The following CTIF variants were observed in gnomAD, a reference collection of about 807,000 sequenced individuals.
The protein encoded by CTIF is CBP80/20-dependent translation initiation factor.
CTIF carries 21 observed loss-of-function variants against 66.0 expected under a neutral mutation model. The observed-to-expected ratio is 0.32, with a 90% CI of 0.23 to 0.46. The LOEUF is 0.46. Among genes scored for constraint, CTIF ranks in the 20% least tolerant of loss-of-function variants. CTIF has a pLI of 1.00. For missense variants in CTIF, 739 were observed against 812.7 expected, an observed-to-expected ratio of 0.91 and a Z score of 1.10; for synonymous variants, 345 against 326.4, an observed-to-expected ratio of 1.06 and a Z score of -0.62.
At chr18:48,849,236 C>A (rs547681773) in intron 10 of CTIF, among the ~76,000 whole-genome samples, 1 of 127,600 alleles carries the variant, frequency 7.8e-6, no homozygotes, top group Non-Finnish European at 1.6e-5. Context: ...CTTACTCTGT[C>A]GGTCAGGCAG....
At chr18:48,656,073 C>T (rs1400907232) in intron 3 of CTIF, among the ~76,000 whole-genome samples, 1 of 152,226 alleles carries the variant, frequency 6.6e-6, no homozygotes, top group African/African-American at 2.4e-5. Flanking sequence ...ATCGCATACC[C>T]ACTCACATTC....
chr18:48,586,249 C>T lies in CTIF; in HGVS notation c.-28-33289C>T, dbSNP rs545036565. On this transcript the variant is annotated intron_variant, in intron 1 of 11. Coordinates refer to ENST00000256413, the MANE Select transcript of CTIF (RefSeq NM_014772.3). ...AGAGCACTTGTTTCCCCAACAATGG[C>T]GATCAGCATTCCTTTCCACACTTTT... 1.2e-3 allele frequency among the ~76,000 whole-genome samples: 175 copies of T among 151,522 alleles called. 3 individuals are homozygous for T. The highest frequency in any genetic ancestry group is 4.1e-3 in the African/African-American group (170 of 41,284).
intron 10 of CTIF, among the ~76,000 whole-genome samples, chr18:48,823,171 A>G (rs1408473722): frequency 1.3e-5 from 2 of 151,928 alleles, no homozygotes; most frequent in Non-Finnish European, 2.9e-5. Flanking sequence ...GTTTGATGCA[A>G]TCCTACTTGT....
At chr18:48,606,046 A>G (rs1303076193) in intron 1 of CTIF, among the ~76,000 whole-genome samples, 1 of 152,158 alleles carries the variant, frequency 6.6e-6, no homozygotes, top group East Asian at 1.9e-4. Flanking sequence ...TGGCTTGGCA[A>G]TCTGTTGTGG....
Position 48,757,966 on chromosome 18 carries a change from A to G in CTIF, c.632A>G (p.Asp211Gly). 6.2e-7 allele frequency: 1 copy of G among 1,613,810 alleles called. No homozygotes were observed. The highest frequency in any genetic ancestry group is 2.2e-5 in the East Asian group (1 of 44,876). Reference protein sequence around the residue: ...PGGNKPQQHGDHQPGSAKHNR... With the variant: ...PGGNKPQQHGGHQPGSAKHNR... Reference sequence around the variant, plus strand: ...GGCAACAAGCCCCAACAGCATGGTGACCACCAGCCAGGCAGTGCCAAACAC... The same window carrying G: ...GGCAACAAGCCCCAACAGCATGGTGGCCACCAGCCAGGCAGTGCCAAACAC... Residue 211 changes from aspartate (D) to glycine (G), a missense_variant, in exon 8 of 12, where the codon GAC (aspartate) becomes GGC (glycine). Coordinates refer to ENST00000256413, the MANE Select transcript of CTIF (RefSeq NM_014772.3).
Position 48,862,098 on chromosome 18 carries a change from C to A in CTIF, c.*2539C>A, listed in dbSNP as rs140433571. The A allele has an allele frequency of 6.6e-6, 1 of 151,912 alleles. No homozygotes were observed. The highest frequency in any genetic ancestry group is 1.9e-4 in the East Asian group (1 of 5,188). The allele number at this position is 151,912 out of a possible 1,614,324, so 9.4% of individuals were successfully genotyped here. ...CAGTCAAGCCTAAAATTTGAGACCC[C>A]GAGGCAGCTTCCCGAGGGAGACTGC... is the stretch of plus-strand genomic sequence containing the variant. On this transcript the variant is annotated 3_prime_UTR_variant, in exon 12 of 12. Coordinates refer to ENST00000256413, the MANE Select transcript of CTIF (RefSeq NM_014772.3).
In CTIF at chr18:48,839,487, A is replaced by G. The variant is rs373570054; in HGVS notation, c.1528-18101A>G. ...CTCACTGTGTGCCAGATACTATCCTAAACACCCCACATCCTCTTCTTTAAT... is the reference window on the plus strand; with the variant it reads ...CTCACTGTGTGCCAGATACTATCCTGAACACCCCACATCCTCTTCTTTAAT... On this transcript the variant is annotated intron_variant, in intron 10 of 11. Transcript: ENST00000256413. 5.3e-5 allele frequency among the ~76,000 whole-genome samples: 8 copies of G among 152,166 alleles called. No individual in the cohort carries two copies. In the East Asian group the frequency reaches 7.7e-4, roughly 15 times the overall value.
intron 7 of CTIF, among the ~76,000 whole-genome samples, chr18:48,727,950 A>ATT (rs999924126): frequency 6.6e-6 from 1 of 151,698 alleles, no homozygotes; most frequent in African/African-American, 2.4e-5. Flanking sequence ...CAAGTCCTGG[A>ATT]TTTTTTTTTA....
chr18:48,706,916 T>C (rs1489408914), intron 6 of CTIF, among the ~76,000 whole-genome samples: 1 of 152,208 alleles, frequency 6.6e-6, no homozygotes, highest in Non-Finnish European at 1.5e-5. Context: ...AGTGGTCAGA[T>C]GTTAGACAGA....
chr18:48,658,481 G>A (rs1032628077), intron 3 of CTIF, among the ~76,000 whole-genome samples: 1 of 151,948 alleles, frequency 6.6e-6, no homozygotes, highest in Non-Finnish European at 1.5e-5. Flanking sequence ...TTGTATAAGT[G>A]TGGTATATAT....
At chr18:48,762,972 G>A (rs970443199) in intron 9 of CTIF, among the ~76,000 whole-genome samples, 1 of 152,216 alleles carries the variant, frequency 6.6e-6, no homozygotes, top group Non-Finnish European at 1.5e-5. Context: ...CCTGCTCCAG[G>A]CCCTGATCAG....
chr18:48,768,020 C>T (rs1249135328), intron 9 of CTIF, among the ~76,000 whole-genome samples: 1 of 152,122 alleles, frequency 6.6e-6, no homozygotes, highest in Non-Finnish European at 1.5e-5. Context: ...GTTGCCCCCA[C>T]TTCTACCCGT....
At chr18:48,636,730 T>C (rs1319491396) in intron 3 of CTIF, 45 bp downstream of exon 3, 6 of 1,464,070 alleles carry the variant, frequency 4.1e-6, no homozygotes, top group Non-Finnish European at 5.5e-6. Flanking sequence ...TCCTATGTCT[T>C]GTCTGCCTGG....
intron 7 of CTIF, among the ~76,000 whole-genome samples, chr18:48,730,711 C>CTGTGGTGTGAGGGG (rs1568172339): frequency 5.5e-4 from 21 of 38,508 alleles, no homozygotes; most frequent in African/African-American, 3.0e-3. Flanking sequence ...TGAGGGGCTT[C>CTGTGGTGTGAGGGG]CGCGGTGTGA....
chr18:48,807,915 A>C (rs2337142), intron 9 of CTIF, among the ~76,000 whole-genome samples: 8,854 of 152,220 alleles, frequency 0.058, 366 homozygotes, highest in East Asian at 0.22. Flanking sequence ...TGCATGAATC[A>C]TCATTTACTT....
intron 7 of CTIF, among the ~76,000 whole-genome samples, chr18:48,714,790 A>G (rs1302153537): frequency 6.6e-6 from 1 of 152,152 alleles, no homozygotes; most frequent in Non-Finnish European, 1.5e-5. Flanking sequence ...CTCCTCACTC[A>G]CCCTATGATC....
Position 48,817,428 on chromosome 18 carries a change from G to A in CTIF, c.1527+52G>A, listed in dbSNP as rs752893174. 4 of 1,563,168 alleles carry A rather than the reference G, an allele frequency of 2.6e-6. No homozygotes were observed. In the East Asian group the frequency reaches 9.0e-5, roughly 35 times the overall value. On this transcript the variant is annotated intron_variant, in intron 10 of 11. Coordinates refer to ENST00000256413, the MANE Select transcript of CTIF (RefSeq NM_014772.3). Reference sequence around the variant, plus strand: ...TGCACAGCCAGACAGCACCAGGTCTGGAATGCGTCTCAGATAACTGGGACA... The same window carrying A: ...TGCACAGCCAGACAGCACCAGGTCTAGAATGCGTCTCAGATAACTGGGACA...
In CTIF at chr18:48,636,692, A is replaced by G; in HGVS notation, c.252+7A>G. 6.3e-7 allele frequency: 1 copy of G among 1,590,194 alleles called. No individual in the cohort carries two copies. Among genetic ancestry groups the G allele is most frequent in the East Asian group, 2.3e-5 (1 of 43,630 alleles). Reference sequence around the variant, plus strand: ...GCGAGCCCCCCCACAGCAGGTAGGGAACCAGCTCTGCGCTCTGTCTGGGGG... The same window carrying G: ...GCGAGCCCCCCCACAGCAGGTAGGGGACCAGCTCTGCGCTCTGTCTGGGGG... On this transcript the variant is annotated splice_region_variant and intron_variant, in intron 3 of 11. Coordinates refer to ENST00000256413, the MANE Select transcript of CTIF (RefSeq NM_014772.3).
chr18:48,596,824 G>C (rs2089995926), intron 1 of CTIF, among the ~76,000 whole-genome samples: 2 of 152,120 alleles, frequency 1.3e-5, no homozygotes, highest in African/African-American at 4.8e-5. Flanking sequence ...ACACCTCATT[G>C]GTCACTCCTA....
Sources: allele counts gnomAD v4.1 joint callset (sites outside exome capture counted in the v4.1 genomes callset), GRCh38; gene constraint gnomAD v4.1.1; transcripts MANE v1.5; gene names NCBI Gene and HGNC (gene_info 2026-07-23, HGNC 2026-07-21).